Variants in PLS1 observed in about 807,000 individuals in gnomAD.
PLS1 encodes the protein plastin-1.
In PLS1, 32 loss-of-function variants were observed where a neutral mutation model predicts 73.7. The ratio of observed to expected loss-of-function variants is 0.43; its 90% CI spans 0.33 to 0.58. The LOEUF (loss-of-function observed/expected upper bound fraction) is 0.58, where lower values mean the gene tolerates loss of function less well. Among genes scored for constraint, PLS1 ranks in the 20% least tolerant of loss-of-function variants. PLS1 has a pLI of 0.04. For missense variants in PLS1, 633 were observed against 740.5 expected, an observed-to-expected ratio of 0.85 and a Z score of 1.68; for synonymous variants, 217 against 261.3, an observed-to-expected ratio of 0.83 and a Z score of 1.63.
chr3:142,684,368 C>A lies in PLS1; in HGVS notation c.861C>A (p.Thr287=), dbSNP rs775313681. 9.3e-6 allele frequency: 15 copies of A among 1,613,594 alleles called. No individual in the cohort carries two copies. Among genetic ancestry groups the A allele is most frequent in the Admixed American group, 1.7e-5 (1 of 60,000 alleles). The change falls in exon 8 of 16, where the codon ACC becomes ACA. Residue 287 remains threonine (T), a synonymous_variant. Coordinates refer to ENST00000457734, the MANE Select transcript of PLS1 (RefSeq NM_001145319.2). ...ATCTGACCAATGCAGGATGGCATAC[C>A]ATCAGCAACTTCAGCCAAGACATTA... The part of the protein sequence containing the change: ...NYHLTNAGWH[T]ISNFSQDIKD...
chr3:142,697,862 A>C, intron 11 of PLS1, 91 bp from the exon 12 acceptor site: 3 of 674,736 alleles, frequency 4.4e-6, no homozygotes, highest in Non-Finnish European at 8.0e-6. Flanking sequence ...TTATGTTCTT[A>C]AAGATATAAG....
intron 4 of PLS1, 92 bp from the exon 5 acceptor site, chr3:142,676,065 G>A: frequency 2.2e-6 from 2 of 918,564 alleles, no homozygotes; most frequent in Non-Finnish European, 3.3e-6. Flanking sequence ...AAATTAACAA[G>A]TATGTTTTTG....
intron 6 of PLS1, among the ~76,000 whole-genome samples, chr3:142,681,512 G>A (rs926084546): frequency 6.6e-6 from 1 of 152,196 alleles, no homozygotes; most frequent in Non-Finnish European, 1.5e-5. Context: ...ACTTCTCAAA[G>A]ATTACAGGAA....
At chr3:142,636,285 A>G (rs2036688637) in intron 1 of PLS1, among the ~76,000 whole-genome samples, 1 of 152,236 alleles carries the variant, frequency 6.6e-6, no homozygotes, top group South Asian at 2.1e-4. Flanking sequence ...GTCCATAAAT[A>G]GGCTCACACA....
chr3:142,712,015 A>T lies in PLS1; in HGVS notation c.*8A>T. The T allele has an allele frequency of 1.2e-6, 2 of 1,611,826 alleles. No homozygotes were observed. The highest frequency in any genetic ancestry group is 1.1e-5 in the South Asian group (1 of 90,888). ...CTGAACAGAATAAAATAATCATTTC[A>T]TATGATTTTCTGCCACATTAAACAT... On this transcript the variant is annotated 3_prime_UTR_variant, in exon 16 of 16. Coordinates refer to ENST00000457734, the MANE Select transcript of PLS1 (RefSeq NM_001145319.2).
intron 1 of PLS1, among the ~76,000 whole-genome samples, chr3:142,647,492 CT>C (rs2036978128): frequency 4.5e-5 from 6 of 133,016 alleles, no homozygotes; most frequent in African/African-American, 1.5e-4. Flanking sequence ...TTTTCTTTTT[CT>C]TTTTCTTTTC....
chr3:142,685,033 C>T (rs1026534245), intron 8 of PLS1, among the ~76,000 whole-genome samples: 3 of 151,910 alleles, frequency 2.0e-5, no homozygotes, highest in South Asian at 2.1e-4. Flanking sequence ...ATCCTGCCCC[C>T]CAAGAGTAAT....
At chr3:142,635,645 A>G (rs1359691993) in intron 1 of PLS1, among the ~76,000 whole-genome samples, 3 of 151,978 alleles carry the variant, frequency 2.0e-5, no homozygotes, top group African/African-American at 7.3e-5. Context: ...ATGGTGATGA[A>G]CTCTCAGTAT....
At position 142,703,952 on chromosome 3, in the gene PLS1, G is replaced by T. The variant is rs774182181; in HGVS notation, c.1456G>T (p.Glu486Ter). 3.1e-6 allele frequency: 5 copies of T among 1,613,928 alleles called. No homozygotes were observed. Among genetic ancestry groups the T allele is most frequent in the Non-Finnish European group, 3.4e-6 (4 of 1,179,814 alleles). The stretch of plus-strand genomic sequence containing the variant: ...TGGCATTGCTGGGCAGGACCTAAAT[G>T]AAGGGAATTCAACACTTACCCTGGC... ...LVGIAGQDLN[E>*]GNSTLTLALV... The change falls in exon 13 of 16, where the codon GAA (glutamate) becomes TAA (stop). Residue 486 changes from glutamate (E) to a stop codon, truncating the protein, a stop_gained. Coordinates refer to ENST00000457734, the MANE Select transcript of PLS1 (RefSeq NM_001145319.2). LOFTEE classifies it high-confidence loss of function.
At position 142,675,221 on chromosome 3, in the gene PLS1, A is replaced by G. The variant is rs183652617; in HGVS notation, c.365-936A>G. On this transcript the variant is annotated intron_variant, in intron 4 of 15. Transcript: ENST00000457734. The stretch of plus-strand genomic sequence containing the variant: ...ATTTTTTTCCTTATTTAATTAACAT[A>G]TACATATTTGACCTCCGATGGTCTG... Among the ~76,000 whole-genome samples the G allele has an allele frequency of 8.9e-4, 135 of 152,256 alleles. 1 individual carries two copies. In the East Asian group the frequency reaches 0.021, roughly 23 times the overall value.
chr3:142,631,115 G>A (rs572945116), intron 1 of PLS1, among the ~76,000 whole-genome samples: 2 of 152,002 alleles, frequency 1.3e-5, no homozygotes, highest in African/African-American at 2.4e-5. Context: ...GGTGGCTCAT[G>A]TCTGTAATCC....
intron 12 of PLS1, among the ~76,000 whole-genome samples, chr3:142,702,365 A>C (rs954778737): frequency 6.6e-6 from 1 of 152,216 alleles, no homozygotes; most frequent in African/African-American, 2.4e-5. Flanking sequence ...TCTCTTTTTT[A>C]AGAACAATAA....
intron 12 of PLS1, among the ~76,000 whole-genome samples, chr3:142,700,300 C>A (rs1474026559): frequency 2.0e-5 from 3 of 151,204 alleles, no homozygotes; most frequent in South Asian, 4.2e-4. Context: ...CTTTCTTCTT[C>A]ATTATTATTA....
intron 1 of PLS1, chr3:142,656,686 A>T (rs181441279): frequency 3.3e-5 from 5 of 152,314 alleles, no homozygotes; most frequent in Admixed American, 3.3e-4. Context: ...CAACTATTTC[A>T]TAGCTGTTTT....
chr3:142,638,712 CATTTT>C (rs67652440), intron 1 of PLS1, among the ~76,000 whole-genome samples: 6,070 of 149,492 alleles, frequency 0.041, 402 homozygotes, highest in African/African-American at 0.14. Context: ...CACTTATCTT[CATTTT>C]ATTTTATTTT....
At chr3:142,654,647 C>T (rs1194909535) in intron 1 of PLS1, 2 of 152,226 alleles carry the variant, frequency 1.3e-5, no homozygotes, top group African/African-American at 4.8e-5. Flanking sequence ...ACCACTGCCC[C>T]TGGCCCAACA....
intron 1 of PLS1, among the ~76,000 whole-genome samples, chr3:142,613,092 C>A (rs966342368): frequency 2.0e-5 from 3 of 152,232 alleles, no homozygotes; most frequent in African/African-American, 7.2e-5. Context: ...TATGTTGAAC[C>A]AGGAGAAAAG....
intron 1 of PLS1, chr3:142,657,102 A>G (rs977365861): frequency 6.6e-6 from 1 of 152,170 alleles, no homozygotes; most frequent in Non-Finnish European, 1.5e-5. Flanking sequence ...GGCTGAGAGG[A>G]AGCTCTTCTA....
At chr3:142,658,059 T>G (rs540951249) in intron 1 of PLS1, among the ~76,000 whole-genome samples, 1 of 152,186 alleles carries the variant, frequency 6.6e-6, no homozygotes, top group Admixed American at 6.5e-5. Flanking sequence ...TTTTATAATA[T>G]GAATTATTTA....
Sources: allele counts gnomAD v4.1 joint callset (sites outside exome capture counted in the v4.1 genomes callset), GRCh38; gene constraint gnomAD v4.1.1; transcripts MANE v1.5; gene names NCBI Gene and HGNC (gene_info 2026-07-23, HGNC 2026-07-21).